Variants in SETBP1 observed in about 807,000 individuals in gnomAD.
The protein encoded by SETBP1 is SET binding protein 1.
SETBP1 carries 9 observed loss-of-function variants against 101.0 expected under a neutral mutation model. That is an observed-to-expected ratio of 0.09 (90% confidence interval 0.05 to 0.16). The LOEUF (loss-of-function observed/expected upper bound fraction) is 0.16, where lower values mean the gene tolerates loss of function less well. Among genes scored for constraint, SETBP1 ranks in the 10% least tolerant of loss-of-function variants. SETBP1 has a pLI of 1.00. For synonymous variants in SETBP1, 818 were observed against 788.5 expected (o/e 1.04, Z -0.63); for missense variants, 1,858 against 2,033.8 (o/e 0.91, Z 1.66).
intron 4 of SETBP1, among the ~76,000 whole-genome samples, chr18:45,018,733 C>T (rs2072998958): frequency 6.6e-6 from 1 of 152,120 alleles, no homozygotes; most frequent in African/African-American, 2.4e-5. Flanking sequence ...TTTTTCTGCT[C>T]AAAACAGAGC....
At position 45,063,673 on chromosome 18, in the gene SETBP1, G is replaced by A. The variant is rs1436777220; in HGVS notation, c.4766G>A (p.Gly1589Glu). Residue 1589 changes from glycine (G) to glutamate (E), a missense_variant, in exon 6 of 6, where the codon GGG becomes GAG. Around this residue, in one of 12 missense-constraint regions of SETBP1, gnomAD observed 178 missense variants for 189.1 expected, o/e 0.94. Coordinates refer to ENST00000649279, the MANE Select transcript of SETBP1 (RefSeq NM_015559.3). Reference protein sequence around the residue: ...VKAKRQRKSRGSESEVLP With the variant: ...VKAKRQRKSRESESEVLP ...GCCAAAAGGCAGAGGAAGTCCCGAG[G>A]GAGTGAGAGCGAGGTCCTTCCCTAG... 2 of 1,608,874 alleles carry A rather than the reference G, an allele frequency of 1.2e-6. No individual in the cohort carries two copies. Among genetic ancestry groups the A allele is most frequent in the Admixed American group, 1.7e-5 (1 of 59,676 alleles).
chr18:44,959,811 G>A (rs567819808), intron 4 of SETBP1, among the ~76,000 whole-genome samples: 37 of 152,300 alleles, frequency 2.4e-4, no homozygotes, highest in African/African-American at 8.2e-4. Flanking sequence ...GGGTGGTCAT[G>A]AGAGATGGGG....
At chr18:44,761,682 T>G (rs1320409103) in intron 2 of SETBP1, among the ~76,000 whole-genome samples, 2 of 152,250 alleles carry the variant, frequency 1.3e-5, no homozygotes, top group African/African-American at 2.4e-5. Context: ...GTGTATTTCT[T>G]AAGACAACCT....
Position 44,904,085 on chromosome 18 carries a change from T to C in SETBP1, c.540+34802T>C, listed in dbSNP as rs75503255. On this transcript the variant is annotated intron_variant, in intron 3 of 5. Transcript: ENST00000649279. Reference sequence around the variant, plus strand: ...CATATTTGCTCAATGAGTGGACACATAGATGAATAAATGAATGAATTAAAC... The same window carrying C: ...CATATTTGCTCAATGAGTGGACACACAGATGAATAAATGAATGAATTAAAC... 8.5e-5 allele frequency among the ~76,000 whole-genome samples: 13 copies of C among 152,296 alleles called. 1 individual carries two copies. In the East Asian group the frequency reaches 2.5e-3, roughly 29 times the overall value.
rs2073932666 is a variant in SETBP1, at chr18:45,063,822, A to G, written c.*124A>G. ...ACGCCCTTCTCTCCAGAAGCCGGGC[A>G]GGCAGAATCCGGCCAGACGACGGGG... On this transcript the variant is annotated 3_prime_UTR_variant, in exon 6 of 6. Transcript: ENST00000649279. 8.5e-7 allele frequency: 1 copy of G among 1,170,506 alleles called. No individual in the cohort carries two copies. 72.5% of individuals were successfully genotyped at this position (1,170,506 alleles called of 1,614,324 possible).
At chr18:44,992,224 C>T (rs2072394116) in intron 4 of SETBP1, among the ~76,000 whole-genome samples, 1 of 151,584 alleles carries the variant, frequency 6.6e-6, no homozygotes, top group East Asian at 1.9e-4. Context: ...TGAATATACT[C>T]AAAAAAAGTA....
chr18:44,698,862 T>G (rs773212832), intron 1 of SETBP1, among the ~76,000 whole-genome samples: 20 of 152,236 alleles, frequency 1.3e-4, no homozygotes, highest in Non-Finnish European at 2.6e-4. Flanking sequence ...GAATTTTTTT[T>G]GTGTGGATCT....
At chr18:44,728,686 G>C (rs2069767857) in intron 2 of SETBP1, among the ~76,000 whole-genome samples, 1 of 152,226 alleles carries the variant, frequency 6.6e-6, no homozygotes, top group Non-Finnish European at 1.5e-5. Flanking sequence ...ATTGGGGGCA[G>C]GGAGAGAAAG....
chr18:45,006,313 C>T (rs1313810331), intron 4 of SETBP1, among the ~76,000 whole-genome samples: 1 of 152,178 alleles, frequency 6.6e-6, no homozygotes, highest in Non-Finnish European at 1.5e-5. Flanking sequence ...TCATATATGT[C>T]TGTTCCTACT....
chr18:44,775,936 T>A (rs1241346176), intron 2 of SETBP1, among the ~76,000 whole-genome samples: 1 of 152,196 alleles, frequency 6.6e-6, no homozygotes, highest in African/African-American at 2.4e-5. Context: ...CCAAATGGGA[T>A]CATGTTTTCT....
chr18:44,757,057 G>T (rs756577545), intron 2 of SETBP1, among the ~76,000 whole-genome samples: 1 of 151,966 alleles, frequency 6.6e-6, no homozygotes, highest in South Asian at 2.1e-4. Flanking sequence ...AGGGGAGAGC[G>T]GCTGTATAAT....
chr18:45,001,134 G>C (rs1426977078), intron 4 of SETBP1, among the ~76,000 whole-genome samples: 1 of 152,108 alleles, frequency 6.6e-6, no homozygotes, highest in East Asian at 1.9e-4. Context: ...CCCTACCAAG[G>C]ACAGCAGTGT....
At chr18:44,895,110 T>A (rs1413387874) in intron 3 of SETBP1, among the ~76,000 whole-genome samples, 1 of 141,274 alleles carries the variant, frequency 7.1e-6, no homozygotes, top group Non-Finnish European at 1.5e-5. Flanking sequence ...GAAAATCCTG[T>A]CTCAGAAAAG....
At chr18:44,842,665 A>C (rs2072641662) in intron 2 of SETBP1, among the ~76,000 whole-genome samples, 1 of 152,204 alleles carries the variant, frequency 6.6e-6, no homozygotes, top group South Asian at 2.1e-4. Context: ...CAGCTTACCA[A>C]TGAATGCATG....
chr18:44,722,401 TGG>T (rs1023536451), intron 2 of SETBP1, among the ~76,000 whole-genome samples: 1 of 151,964 alleles, frequency 6.6e-6, no homozygotes, highest in African/African-American at 2.4e-5. Flanking sequence ...GCTTAATGGG[TGG>T]TGTGTGTGAG....
At chr18:44,766,418 A>G (rs1352809855) in intron 2 of SETBP1, among the ~76,000 whole-genome samples, 1 of 152,256 alleles carries the variant, frequency 6.6e-6, no homozygotes, top group Non-Finnish European at 1.5e-5. Context: ...AGACTTGAGG[A>G]CATTATATGA....
At chr18:45,017,442 T>G (rs2072971492) in intron 4 of SETBP1, among the ~76,000 whole-genome samples, 1 of 152,156 alleles carries the variant, frequency 6.6e-6, no homozygotes, top group African/African-American at 2.4e-5. Context: ...GACCTGCAAC[T>G]CCAAAGTCCT....
intron 5 of SETBP1, among the ~76,000 whole-genome samples, chr18:45,061,395 C>A (rs1599508801): frequency 6.6e-6 from 1 of 152,192 alleles, no homozygotes; most frequent in East Asian, 1.9e-4. Flanking sequence ...TACAACCAGG[C>A]AACCTTTTTC....
intron 2 of SETBP1, among the ~76,000 whole-genome samples, chr18:44,836,993 C>G (rs751393615): frequency 4.2e-4 from 64 of 152,118 alleles, no homozygotes; most frequent in Non-Finnish European, 1.5e-4. Context: ...CTTTAAGAAA[C>G]TTTTCATGCT....
Sources: allele counts gnomAD v4.1 joint callset (sites outside exome capture counted in the v4.1 genomes callset), GRCh38; gene constraint gnomAD v4.1.1; regional missense constraint gnomAD v4.1.1; transcripts MANE v1.5; gene names NCBI Gene and HGNC (gene_info 2026-07-23, HGNC 2026-07-21).